Variants in CDCA8 observed in about 807,000 individuals in gnomAD.
CDCA8 encodes the protein borealin.
CDCA8 carries 25 observed loss-of-function variants against 40.0 expected under a neutral mutation model. The observed-to-expected ratio is 0.63, with a 90% CI of 0.46 to 0.87. The LOEUF is 0.87. Ranked by LOEUF, CDCA8 falls within the 40% of genes least tolerant of loss-of-function variation. The pLI is 0.00. For synonymous variants in CDCA8, 111 were observed against 126.5 expected (o/e 0.88, Z 0.82); for missense variants, 280 against 348.4 (o/e 0.80, Z 1.56).
chr1:37,693,154 A>T (rs1232698156), intron 2 of CDCA8, 121 bp downstream of exon 2: 5 of 641,990 alleles, frequency 7.8e-6, no homozygotes, highest in Non-Finnish European at 2.5e-6. Flanking sequence ...CCACTTATGG[A>T]AAATTGCAGA....
At position 37,709,579 on chromosome 1, in the gene CDCA8, T is replaced by A. The variant is rs933576591; in HGVS notation, c.*1213T>A. On this transcript the variant is annotated 3_prime_UTR_variant, in exon 10 of 10. Coordinates refer to ENST00000373055, the MANE Select transcript of CDCA8 (RefSeq NM_001256875.2). The stretch of plus-strand genomic sequence containing the variant: ...TAGTAAAACAGTCCTGTTCAAGTTG[T>A]ATTCTTTTAAGTTCTTTTATTCTCC... 6.6e-6 allele frequency: 1 copy of A among 152,240 alleles called. No homozygotes were observed. Among genetic ancestry groups the A allele is most frequent in the African/African-American group, 2.4e-5 (1 of 41,456 alleles). The allele number at this position is 152,240 out of a possible 1,614,324, so 9.4% of individuals were successfully genotyped here. A position where few individuals can be genotyped will look rare whatever the true frequency, so the allele number is the denominator to read the frequency against.
At chr1:37,699,607 AAAGGAAAGGAAAGG>A (rs1645550004) in intron 4 of CDCA8, among the ~76,000 whole-genome samples, 4 of 149,836 alleles carry the variant, frequency 2.7e-5, no homozygotes, top group East Asian at 2.0e-4. Context: ...AAAGGAAAGG[AAAGGAAAGGAAAGG>A]AAAAAAAAAG....
chr1:37,700,500 T>C lies in CDCA8; in HGVS notation c.402T>C (p.Arg134=). The C allele has an allele frequency of 6.2e-7, 1 of 1,609,350 alleles. No individual in the cohort carries two copies. Among genetic ancestry groups the C allele is most frequent in the Non-Finnish European group, 8.5e-7 (1 of 1,175,730 alleles). ...AGGAAGAAGAAGAAGAAAATGAACG[T>C]AAGAATCTTCAAACTGCAAGAGTAA... ...VEEEEEEENE[R]KNLQTARVKR... is the part of the protein sequence containing the mutation. The change falls in exon 5 of 10, where the codon CGT becomes CGC. Residue 134 remains arginine (R), a synonymous_variant. Coordinates refer to ENST00000373055, the MANE Select transcript of CDCA8 (RefSeq NM_001256875.2).
intron 7 of CDCA8, among the ~76,000 whole-genome samples, chr1:37,704,867 C>T (rs1490725945): frequency 2.0e-5 from 3 of 151,662 alleles, no homozygotes; most frequent in African/African-American, 7.3e-5. Context: ...AGGCTGGTCT[C>T]GAACTCCTGA....
chr1:37,707,146 C>A, intron 9 of CDCA8, 82 bp downstream of exon 9: 2 of 1,033,582 alleles, frequency 1.9e-6, no homozygotes, highest in Non-Finnish European at 3.0e-6. Flanking sequence ...GTCTTTTGGG[C>A]CTGGGCTAAT....
At chr1:37,692,875 C>T (rs1645480409) in intron 1 of CDCA8, 30 bp from the exon 2 acceptor site, 2 of 1,613,374 alleles carry the variant, frequency 1.2e-6, no homozygotes, top group South Asian at 2.2e-5. Context: ...CGCCCGTGAC[C>T]CGTGTCCTGT....
chr1:37,694,909 A>G (rs191635421), intron 2 of CDCA8, among the ~76,000 whole-genome samples: 9 of 152,364 alleles, frequency 5.9e-5, no homozygotes, highest in African/African-American at 9.6e-5. Flanking sequence ...CTGTACATCT[A>G]TTGACTGCTA....
chr1:37,692,987 G>A lies in CDCA8; in HGVS notation c.177G>A (p.Leu59=), dbSNP rs1256773687. 1 of 1,614,106 alleles carries A rather than the reference G, an allele frequency of 6.2e-7. No homozygotes were observed. Residue 59 remains leucine (L), a synonymous_variant, in exon 2 of 10, where the codon CTG becomes CTA. Transcript: ENST00000373055. ...ATAACCTCTACAACATCGAGATCCT[G>A]CGGCTCCCCAAGGCTCTGCGCGAGA... The part of the protein sequence containing the change: ...EVDNLYNIEI[L]RLPKALREMN...
intron 8 of CDCA8, among the ~76,000 whole-genome samples, chr1:37,706,227 C>T (rs986171596): frequency 6.6e-6 from 1 of 152,016 alleles, no homozygotes; most frequent in Non-Finnish European, 1.5e-5. Flanking sequence ...CCTGCCTCAG[C>T]CTCCTGAGTA....
rs1193959549 is a variant in CDCA8, at chr1:37,709,180, G to C, written c.*814G>C. ...TGGAAATTTGGATAAGGGAACTGTAGGGCCCAGATTCTGGAGGTTTTATGT... is the reference window on the plus strand; with the variant it reads ...TGGAAATTTGGATAAGGGAACTGTACGGCCCAGATTCTGGAGGTTTTATGT... On this transcript the variant is annotated 3_prime_UTR_variant, in exon 10 of 10. Coordinates refer to ENST00000373055, the MANE Select transcript of CDCA8 (RefSeq NM_001256875.2). 6.6e-6 allele frequency: 1 copy of C among 152,228 alleles called. No homozygotes were observed. Among genetic ancestry groups the C allele is most frequent in the Admixed American group, 6.5e-5 (1 of 15,280 alleles). The allele number at this position is 152,228 out of a possible 1,614,324, so 9.4% of individuals were successfully genotyped here.
At chr1:37,702,006 T>A (rs1645568057) in intron 6 of CDCA8, among the ~76,000 whole-genome samples, 188 bp downstream of exon 6, 1 of 151,248 alleles carries the variant, frequency 6.6e-6, no homozygotes, top group African/African-American at 2.4e-5. Flanking sequence ...CCATCTCCAG[T>A]ACTTTAATGT....
intron 8 of CDCA8, 35 bp downstream of exon 8, chr1:37,705,602 T>A (rs765749924): frequency 1.2e-6 from 2 of 1,607,728 alleles, no homozygotes; most frequent in Non-Finnish European, 1.7e-6. Context: ...GGCCACAGTG[T>A]GCTGCTTAGT....
intron 7 of CDCA8, among the ~76,000 whole-genome samples, chr1:37,704,116 G>A (rs1479253094): frequency 1.3e-5 from 2 of 151,424 alleles, no homozygotes; most frequent in African/African-American, 4.9e-5. Flanking sequence ...TTGTTTTTTT[G>A]TAGCGATGGG....
chr1:37,695,862 A>G, intron 2 of CDCA8, 48 bp from the exon 3 acceptor site: 1 of 1,559,726 alleles, frequency 6.4e-7, no homozygotes, highest in South Asian at 1.1e-5. Flanking sequence ...ATTAGGCAAG[A>G]TGATTTATTG....
At chr1:37,694,135 C>G (rs1346105644) in intron 2 of CDCA8, among the ~76,000 whole-genome samples, 1 of 151,854 alleles carries the variant, frequency 6.6e-6, no homozygotes, top group African/African-American at 2.4e-5. Flanking sequence ...AGTGAAACTC[C>G]GTCTCAAAAA....
chr1:37,702,379 C>T (rs963233453), intron 6 of CDCA8, among the ~76,000 whole-genome samples: 3 of 151,924 alleles, frequency 2.0e-5, no homozygotes, highest in Non-Finnish European at 2.9e-5. Flanking sequence ...CCCCATAGCT[C>T]GTCATAGAGT....
intron 8 of CDCA8, 43 bp from the exon 9 acceptor site, chr1:37,706,935 C>T (rs748123520): frequency 1.3e-6 from 2 of 1,545,834 alleles, no homozygotes; most frequent in East Asian, 2.2e-5. Context: ...GGTTCCGGCC[C>T]TAAGGGCCAT....
In CDCA8 at chr1:37,692,909, A is replaced by C; in HGVS notation, c.99A>C (p.Glu33Asp). The C allele has an allele frequency of 6.2e-7, 1 of 1,614,062 alleles. No individual in the cohort carries two copies. The highest frequency in any genetic ancestry group is 2.2e-5 in the East Asian group (1 of 44,856). The change falls in exon 2 of 10, where the codon GAA (glutamate) becomes GAC (aspartate). Residue 33 changes from glutamate (E) to aspartate (D), a missense_variant. Glu to Asp is a conservative substitution (Grantham distance 45). Coordinates refer to ENST00000373055, the MANE Select transcript of CDCA8 (RefSeq NM_001256875.2). Reference protein sequence around the residue: ...SFLKDFDREVEIRIKQIESDR... With the variant: ...SFLKDFDREVDIRIKQIESDR... ...GTCGGCTCTGCCCTCCCGCAGTGGA[A>C]ATACGAATCAAGCAAATTGAGTCAG...
Position 37,707,011 on chromosome 1 carries a change from C to A in CDCA8, c.745C>A (p.His249Asn). 6.2e-7 allele frequency: 1 copy of A among 1,614,196 alleles called. No homozygotes were observed. The change falls in exon 9 of 10, where the codon CAC becomes AAC. Residue 249 changes from histidine to asparagine, a missense_variant. Physicochemically the swap from His to Asn is moderately conservative, Grantham distance 68 (BLOSUM62 1). Coordinates refer to ENST00000373055, the MANE Select transcript of CDCA8 (RefSeq NM_001256875.2). ...LRLLASDLQR[H>N]SIAQLDPEAL... ...ATTATTGGCCAGTGACTTGCAGAGG[C>A]ACAGTATTGCCCAGCTGGATCCAGA...
Sources: allele counts gnomAD v4.1 joint callset (sites outside exome capture counted in the v4.1 genomes callset), GRCh38; gene constraint gnomAD v4.1.1; transcripts MANE v1.5; gene names NCBI Gene and HGNC (gene_info 2026-07-23, HGNC 2026-07-21).